The following TYW1B variants were observed in gnomAD, a reference collection of about 807,000 sequenced individuals.
The protein encoded by TYW1B is tRNA-yW synthesizing protein 1 homolog B, also known as S-adenosyl-L-methionine-dependent tRNA 4-demethylwyosine synthase TYW1B.
A neutral mutation model predicts 86.9 loss-of-function variants in TYW1B; 73 were observed. The observed-to-expected ratio is 0.84, with a 90% CI of 0.70 to 1.02. The LOEUF (loss-of-function observed/expected upper bound fraction) is 1.02. TYW1B is among the 50% of genes least tolerant of loss of function. TYW1B has a pLI of 0.00. For synonymous variants in TYW1B, 248 were observed against 292.8 expected, an observed-to-expected ratio of 0.85 and a Z score of 1.56; for missense variants, 637 against 827.4, an observed-to-expected ratio of 0.77 and a Z score of 2.82.
chr7:72,660,618 A>C (rs1361362778), intron 11 of TYW1B, among the ~76,000 whole-genome samples: 3 of 152,186 alleles, frequency 2.0e-5, no homozygotes, highest in African/African-American at 7.2e-5. Flanking sequence ...TTATAGATAT[A>C]TTCCTCTATG....
chr7:72,648,860 G>C (rs1812995551), intron 11 of TYW1B, among the ~76,000 whole-genome samples: 1 of 152,184 alleles, frequency 6.6e-6, no homozygotes, highest in Non-Finnish European at 1.5e-5. Context: ...GATGCACACA[G>C]AAGAGGCTCA....
intron 7 of TYW1B, among the ~76,000 whole-genome samples, chr7:72,770,059 C>T (rs749144212): frequency 6.1e-4 from 92 of 149,960 alleles, no homozygotes; most frequent in Non-Finnish European, 1.2e-3. Context: ...GGTGAGACAG[C>T]GAGACTCTGT....
chr7:72,813,830 T>C lies in TYW1B; in HGVS notation c.237+1550A>G, dbSNP rs116011143. ...AGGAGTTCGACACAAGCATGGCCAA[T>C]ATAATGAAACCCCATGTCTGTTAAA... On this transcript the variant is annotated intron_variant, in intron 3 of 13. Transcript: ENST00000620995. Among the ~76,000 whole-genome samples the C allele has an allele frequency of 6.6e-3, 1,004 of 151,730 alleles. 13 individuals are homozygous for C. Among genetic ancestry groups the C allele is most frequent in the African/African-American group, 0.021 (866 of 41,356 alleles).
intron 10 of TYW1B, among the ~76,000 whole-genome samples, chr7:72,711,037 AG>A (rs1786650387): frequency 6.6e-6 from 1 of 152,154 alleles, no homozygotes; most frequent in Non-Finnish European, 1.5e-5. Context: ...ACAAGCAGCC[AG>A]AAACAGCAGA....
chr7:72,636,081 CCTTT>C (rs1171291236), intron 11 of TYW1B, among the ~76,000 whole-genome samples: 2 of 152,122 alleles, frequency 1.3e-5, no homozygotes, highest in South Asian at 2.1e-4. Context: ...AAAATAATTA[CCTTT>C]ATTTAGATCC....
chr7:72,682,938 C>G (rs1451814593), intron 11 of TYW1B, among the ~76,000 whole-genome samples: 1 of 152,182 alleles, frequency 6.6e-6, no homozygotes, highest in Non-Finnish European at 1.5e-5. Context: ...TACTGGAGCT[C>G]TGCCAGATTC....
chr7:72,809,679 A>AT (rs71517374), intron 4 of TYW1B, among the ~76,000 whole-genome samples: 32 of 150,894 alleles, frequency 2.1e-4, no homozygotes, highest in South Asian at 1.1e-3. Flanking sequence ...TTAAAAAAAA[A>AT]TTTTTTTTAA....
chr7:72,703,014 A>ATTTT lies in TYW1B; in HGVS notation c.1371-8193_1371-8192insAAAA, dbSNP rs1814516950. On this transcript the variant is annotated intron_variant, in intron 10 of 13. Transcript: ENST00000620995. ...TATATATATATATATATATATATATATATATATATATATTTTTTTTTTTTT... is the reference window on the plus strand; with the variant it reads ...TATATATATATATATATATATATATATTTTTATATATATATATTTTTTTTTTTTT... 8.2e-5 allele frequency among the ~76,000 whole-genome samples: 4 copies of ATTTT among 49,006 alleles called. 1 individual carries two copies. The highest frequency in any genetic ancestry group is 2.2e-4 in the Admixed American group (1 of 4,480). 32.1% of individuals were successfully genotyped at this position (49,006 alleles called of 152,430 possible). A position where few individuals can be genotyped will look rare whatever the true frequency, so the allele number is the denominator to read the frequency against.
intron 6 of TYW1B, 62 bp from the exon 7 acceptor site, chr7:72,777,595 A>G (rs1787979068): frequency 2.5e-6 from 4 of 1,584,568 alleles, no homozygotes; most frequent in Middle Eastern, 3.3e-4. Flanking sequence ...TAACAGCACA[A>G]TCATGAACAC....
chr7:72,669,847 T>C (rs1401455547), intron 11 of TYW1B, among the ~76,000 whole-genome samples: 1 of 151,970 alleles, frequency 6.6e-6, no homozygotes, highest in Non-Finnish European at 1.5e-5. Flanking sequence ...ATAATCCCAG[T>C]GCCTTGGGAG....
intron 6 of TYW1B, among the ~76,000 whole-genome samples, chr7:72,785,464 T>TA (rs1239800999): frequency 6.7e-6 from 1 of 148,856 alleles, no homozygotes; most frequent in Non-Finnish European, 1.5e-5. Context: ...TATTATTTTA[T>TA]AAAAAATATA....
rs78835972 is a variant in TYW1B, at chr7:72,805,815, A to G, written c.723+1251T>C. On this transcript the variant is annotated intron_variant, in intron 5 of 13. Coordinates refer to ENST00000620995, the MANE Select transcript of TYW1B (RefSeq NM_001145440.3). ...ATCCGCAAGGATGCCACAGCCCCAA[A>G]GAATAATGATAGGAACAGGGATGGA... Among the ~76,000 whole-genome samples the G allele has an allele frequency of 5.2e-3, 791 of 152,250 alleles. 8 individuals are homozygous for G. Among genetic ancestry groups the G allele is most frequent in the African/African-American group, 0.018 (766 of 41,572 alleles).
Position 72,667,325 on chromosome 7 carries a change from T to C in TYW1B, c.1506+27362A>G, listed in dbSNP as rs11974785. Among the ~76,000 whole-genome samples, 241 of 152,290 alleles carry C rather than the reference T, an allele frequency of 1.6e-3. 1 individual carries two copies. Among genetic ancestry groups the C allele is most frequent in the African/African-American group, 5.6e-3 (231 of 41,574 alleles). ...CATGTTTTTGTTTAAAATGCTGTAT[T>C]AGTTTTTGGAAATAAATATAAATGT... is the stretch of plus-strand genomic sequence containing the variant. On this transcript the variant is annotated intron_variant, in intron 11 of 13. Transcript: ENST00000620995.
intron 9 of TYW1B, among the ~76,000 whole-genome samples, chr7:72,717,903 T>C (rs1786821415): frequency 1.3e-5 from 2 of 152,122 alleles, no homozygotes; most frequent in Non-Finnish European, 2.9e-5. Flanking sequence ...TCAACCTCTA[T>C]AGAGAGATTT....
intron 9 of TYW1B, among the ~76,000 whole-genome samples, chr7:72,724,228 T>C (rs1786957993): frequency 6.6e-6 from 1 of 152,136 alleles, no homozygotes; most frequent in Non-Finnish European, 1.5e-5. Context: ...TCCCAGTACT[T>C]TGAGAGGCCC....
At chr7:72,590,720 G>A in intron 13 of TYW1B, among the ~76,000 whole-genome samples, 1 of 152,106 alleles carries the variant, frequency 6.6e-6, no homozygotes, top group East Asian at 1.9e-4. Flanking sequence ...GAGAGGCAAA[G>A]AATCTGATTC....
At chr7:72,713,076 A>T (rs1211254887) in intron 10 of TYW1B, among the ~76,000 whole-genome samples, 22 of 151,730 alleles carry the variant, frequency 1.4e-4, no homozygotes, top group Non-Finnish European at 2.2e-4. Flanking sequence ...AGGCGGGAGG[A>T]TCACTTGAGG....
intron 7 of TYW1B, chr7:72,768,786 C>CGA (rs1491381949): frequency 7.4e-6 from 1 of 134,760 alleles, no homozygotes; most frequent in Non-Finnish European, 1.5e-5. Flanking sequence ...GACTCCATCT[C>CGA]AAAAAAAAAA....
At chr7:72,688,019 C>T (rs1322863713) in intron 11 of TYW1B, among the ~76,000 whole-genome samples, 1 of 152,018 alleles carries the variant, frequency 6.6e-6, no homozygotes, top group Non-Finnish European at 1.5e-5. Flanking sequence ...AAATCACCAT[C>T]TCCACAAAAA....
Sources: gnomAD v4.1 joint callset for allele counts (sites outside exome capture counted in the v4.1 genomes callset) on GRCh38, gnomAD v4.1.1 for gene constraint, MANE v1.5 for transcripts, NCBI Gene and HGNC (gene_info 2026-07-23, HGNC 2026-07-21) for gene names.